HIBADH: variants seen among roughly 807,000 people sequenced by gnomAD.
HIBADH encodes the protein 3-hydroxyisobutyrate dehydrogenase, mitochondrial.
A neutral mutation model predicts 36.1 loss-of-function variants in HIBADH; 25 were observed. The ratio of observed to expected loss-of-function variants is 0.69; its 90% confidence interval spans 0.50 to 0.97. The LOEUF (loss-of-function observed/expected upper bound fraction) is 0.97, where lower values mean the gene tolerates loss of function less well. Among genes scored for constraint, HIBADH ranks in the 50% least tolerant of loss-of-function variants. The pLI, the probability that HIBADH is intolerant of heterozygous loss-of-function variation, is 0.00. For missense variants in HIBADH, 421 were observed against 418.0 expected, an observed-to-expected ratio of 1.01 and a Z score of -0.06; for synonymous variants, 160 against 149.5, an observed-to-expected ratio of 1.07 and a Z score of -0.51.
At chr7:27,633,284 G>A (rs1785780415) in intron 2 of HIBADH, among the ~76,000 whole-genome samples, 1 of 152,098 alleles carries the variant, frequency 6.6e-6, no homozygotes, top group African/African-American at 2.4e-5. Flanking sequence ...TATTCACCTT[G>A]ATAAACCTGG....
At chr7:27,563,882 G>A (rs554454369) in intron 4 of HIBADH, among the ~76,000 whole-genome samples, 2 of 149,212 alleles carry the variant, frequency 1.3e-5, no homozygotes, top group African/African-American at 2.5e-5. Context: ...TTTAGCAGAG[G>A]AGAAGTTTGT....
intron 4 of HIBADH, among the ~76,000 whole-genome samples, chr7:27,554,502 A>G (rs1199402588): frequency 1.3e-5 from 2 of 152,126 alleles, no homozygotes; most frequent in South Asian, 2.1e-4. Flanking sequence ...CAGTAATCCA[A>G]TTACCACCAA....
intron 2 of HIBADH, among the ~76,000 whole-genome samples, chr7:27,637,170 C>T (rs1333980583): frequency 6.6e-6 from 1 of 151,992 alleles, no homozygotes; most frequent in Non-Finnish European, 1.5e-5. Flanking sequence ...TTCTTTTGGG[C>T]TAAGAGAAAG....
chr7:27,652,854 C>T (rs1223312261), intron 1 of HIBADH, among the ~76,000 whole-genome samples: 2 of 152,166 alleles, frequency 1.3e-5, no homozygotes, highest in Admixed American at 1.3e-4. Context: ...TTTGGCCAGG[C>T]GCAGCGGCTC....
chr7:27,629,229 G>GT (rs1426385430), intron 4 of HIBADH, 142 bp downstream of exon 4: 11 of 668,228 alleles, frequency 1.6e-5, no homozygotes, highest in East Asian at 5.5e-5. Flanking sequence ...ACTAAATAAC[G>GT]TATCAGTTTG....
Position 27,571,776 on chromosome 7 carries a change from C to A in HIBADH, c.485-28676G>T, listed in dbSNP as rs73299371. 4.8e-3 allele frequency among the ~76,000 whole-genome samples: 728 copies of A among 152,190 alleles called. 5 individuals carry two copies. The highest frequency in any genetic ancestry group is 0.017 in the African/African-American group (700 of 41,518). ...AGAATTTTTATTCTTCTATGGATGACAAGTTCTAGCCCTACCAAATTAAGG... is the reference window on the plus strand; with the variant it reads ...AGAATTTTTATTCTTCTATGGATGAAAAGTTCTAGCCCTACCAAATTAAGG... On this transcript the variant is annotated intron_variant, in intron 4 of 7. Coordinates refer to ENST00000265395, the MANE Select transcript of HIBADH (RefSeq NM_152740.4).
At chr7:27,620,176 G>C (rs962407530) in intron 4 of HIBADH, among the ~76,000 whole-genome samples, 17 of 151,898 alleles carry the variant, frequency 1.1e-4, no homozygotes, top group African/African-American at 3.9e-4. Context: ...AAATTAGCTG[G>C]GCATTGTGAT....
intron 2 of HIBADH, among the ~76,000 whole-genome samples, chr7:27,643,801 G>A (rs1786004540): frequency 6.6e-6 from 1 of 152,180 alleles, no homozygotes; most frequent in Admixed American, 6.5e-5. Flanking sequence ...GCCTTTTCCA[G>A]CTTCTGATGG....
chr7:27,628,411 G>GCTGT (rs1413675689), intron 4 of HIBADH, among the ~76,000 whole-genome samples: 1 of 151,974 alleles, frequency 6.6e-6, no homozygotes, highest in African/African-American at 2.4e-5. Context: ...TTCATATTCT[G>GCTGT]CTGTCTACTG....
chr7:27,562,746 C>T (rs560032652), intron 4 of HIBADH, among the ~76,000 whole-genome samples: 3 of 152,306 alleles, frequency 2.0e-5, no homozygotes, highest in Admixed American at 2.0e-4. Flanking sequence ...GTATGAGCCA[C>T]CACACTCAGC....
At chr7:27,572,895 G>A (rs929888955) in intron 4 of HIBADH, among the ~76,000 whole-genome samples, 11 of 152,080 alleles carry the variant, frequency 7.2e-5, no homozygotes, top group African/African-American at 1.9e-4. Flanking sequence ...TCATACAAAA[G>A]TTAAAATGTT....
At chr7:27,634,489 A>G (rs999952994) in intron 2 of HIBADH, among the ~76,000 whole-genome samples, 1 of 151,746 alleles carries the variant, frequency 6.6e-6, no homozygotes, top group African/African-American at 2.4e-5. Flanking sequence ...GTGAAATAAG[A>G]AAAAAAAAGT....
intron 4 of HIBADH, among the ~76,000 whole-genome samples, chr7:27,590,245 G>T (rs753871864): frequency 2.0e-5 from 3 of 152,050 alleles, no homozygotes; most frequent in Non-Finnish European, 2.9e-5. Context: ...TTTACACCCA[G>T]AAAAGTTGAG....
chr7:27,634,522 T>G (rs1164990557), intron 2 of HIBADH, among the ~76,000 whole-genome samples: 1 of 152,176 alleles, frequency 6.6e-6, no homozygotes, highest in African/African-American at 2.4e-5. Context: ...ACTTCTCTAC[T>G]CCTATACTAT....
At chr7:27,626,170 T>A (rs1004995682) in intron 4 of HIBADH, among the ~76,000 whole-genome samples, 1 of 145,686 alleles carries the variant, frequency 6.9e-6, no homozygotes, top group African/African-American at 2.5e-5. Context: ...CAACCCCATT[T>A]TACATGATGT....
At chr7:27,564,399 T>A (rs1245652045) in intron 4 of HIBADH, among the ~76,000 whole-genome samples, 1 of 152,214 alleles carries the variant, frequency 6.6e-6, no homozygotes, top group Non-Finnish European at 1.5e-5. Context: ...TCTTAATATA[T>A]GTAGAATTGT....
intron 6 of HIBADH, among the ~76,000 whole-genome samples, chr7:27,532,712 T>A (rs1359241640): frequency 6.6e-6 from 1 of 152,208 alleles, no homozygotes; most frequent in Non-Finnish European, 1.5e-5. Flanking sequence ...TCAGTCTAAA[T>A]TGGCTATCAT....
chr7:27,577,076 AT>A (rs1317514042), intron 4 of HIBADH, among the ~76,000 whole-genome samples: 1 of 125,452 alleles, frequency 8.0e-6, no homozygotes, highest in Non-Finnish European at 2.0e-5. Context: ...CATCTCTTAA[AT>A]TTTTCTTAAA....
At chr7:27,564,143 C>T (rs1273225718) in intron 4 of HIBADH, among the ~76,000 whole-genome samples, 1 of 152,060 alleles carries the variant, frequency 6.6e-6, no homozygotes, top group African/African-American at 2.4e-5. Context: ...TGTGATCTGC[C>T]CGCCTCAGCC....
Sources: allele counts gnomAD v4.1 joint callset (sites outside exome capture counted in the v4.1 genomes callset), GRCh38; gene constraint gnomAD v4.1.1; transcripts MANE v1.5; gene names NCBI Gene and HGNC (gene_info 2026-07-23, HGNC 2026-07-21).